FTCDNL1: variants seen among roughly 807,000 people sequenced by gnomAD.
The protein encoded by FTCDNL1 is formiminotransferase N-terminal subdomain-containing protein.
FTCDNL1 carries 11 observed loss-of-function variants against 5.9 expected under a neutral mutation model. The ratio of observed to expected loss-of-function variants is 1.87; its 90% confidence interval spans 1.18 to 3.10. The LOEUF is 3.10. Among genes scored for constraint, FTCDNL1 ranks in the 30% most tolerant of loss-of-function variants. FTCDNL1 has a pLI of 0.00. For missense variants in FTCDNL1, 115 were observed against 65.5 expected (o/e 1.76, Z -2.61); for synonymous variants, 58 against 24.8 (o/e 2.34, Z -3.99).
chr2:199,672,766 T>C, the FTCDNL1 span, among the ~76,000 whole-genome samples: 745 of 152,008 alleles, frequency 4.9e-3, no homozygotes, highest in Non-Finnish European at 7.5e-3. Context: ...ACTTCTAACA[T>C]AGCAGCCTGA....
the FTCDNL1 span, among the ~76,000 whole-genome samples, chr2:199,667,918 C>T: frequency 6.6e-6 from 1 of 152,194 alleles, no homozygotes; most frequent in African/African-American, 2.4e-5. Flanking sequence ...AAAGGTCTTG[C>T]ATCACAAGAG....
intron 3 of FTCDNL1, among the ~76,000 whole-genome samples, chr2:199,771,926 T>C (rs1698832000): frequency 6.6e-6 from 1 of 152,262 alleles, no homozygotes. Flanking sequence ...TTATCCTATA[T>C]ATACATACCC....
chr2:199,695,658 C>G, the FTCDNL1 span, among the ~76,000 whole-genome samples: 1 of 152,040 alleles, frequency 6.6e-6, no homozygotes, highest in Non-Finnish European at 1.5e-5. Flanking sequence ...TAGAGTGACC[C>G]ACTATCACCA....
Position 199,849,896 on chromosome 2 carries a change from T to C in FTCDNL1, c.-8+844A>G, listed in dbSNP as rs115355542. ...TTCAACAAATATTTAATGAGGGTCT[T>C]TTTCTGACAGGTAATGTTCCCTGTG... On this transcript the variant is annotated intron_variant, in intron 1 of 4. Transcript: ENST00000420128. Among the ~76,000 whole-genome samples the C allele has an allele frequency of 5.0e-3, 758 of 152,298 alleles. 6 individuals are homozygous for C. Among genetic ancestry groups the C allele is most frequent in the African/African-American group, 0.018 (731 of 41,556 alleles).
intron 3 of FTCDNL1, among the ~76,000 whole-genome samples, chr2:199,842,182 C>T (rs2076607627): frequency 1.3e-5 from 2 of 151,962 alleles, no homozygotes; most frequent in Admixed American, 6.5e-5. Flanking sequence ...GCATGAGAAT[C>T]ACTTGAGTCT....
chr2:199,733,246 T>G, the FTCDNL1 span, among the ~76,000 whole-genome samples: 1 of 152,246 alleles, frequency 6.6e-6, no homozygotes, highest in Non-Finnish European at 1.5e-5. Context: ...AGGCAGGCAC[T>G]GCTCATTTGC....
At chr2:199,766,318 T>C (rs770729702) in intron 3 of FTCDNL1, among the ~76,000 whole-genome samples, 2 of 152,222 alleles carry the variant, frequency 1.3e-5, no homozygotes, top group African/African-American at 2.4e-5. Context: ...GTAAAGATTA[T>C]CTAACTTAAA....
intron 3 of FTCDNL1, among the ~76,000 whole-genome samples, chr2:199,839,729 T>C (rs529713727): frequency 6.6e-6 from 1 of 152,274 alleles, no homozygotes; most frequent in East Asian, 1.9e-4. Context: ...TAAGGAGTCA[T>C]AATGGTTTCA....
intron 3 of FTCDNL1, among the ~76,000 whole-genome samples, chr2:199,769,479 G>GCC (rs34798712): frequency 0.044 from 6,692 of 151,988 alleles, 195 homozygotes; most frequent in Middle Eastern, 0.068. Flanking sequence ...TGATTTTGAG[G>GCC]CCCCCCCAGC....
At chr2:199,819,400 G>A in intron 4 of FTCDNL1, 172 bp downstream of exon 4, 1 of 595,116 alleles carries the variant, frequency 1.7e-6, no homozygotes, top group African/African-American at 1.9e-5. Context: ...AGGCTCACAG[G>A]TTAGCTTAAA....
the FTCDNL1 span, among the ~76,000 whole-genome samples, chr2:199,692,798 T>C: frequency 6.6e-6 from 1 of 152,220 alleles, no homozygotes; most frequent in Non-Finnish European, 1.5e-5. Context: ...CAATTATAGA[T>C]GAGTTAGTAA....
At chr2:199,744,502 A>G in the FTCDNL1 span, among the ~76,000 whole-genome samples, 1 of 152,106 alleles carries the variant, frequency 6.6e-6, no homozygotes, top group South Asian at 2.1e-4. Context: ...GTACAGCAAG[A>G]AGGTAGCTGT....
chr2:199,757,081 A>C (rs561264410), downstream of FTCDNL1, among the ~76,000 whole-genome samples: 8 of 152,336 alleles, frequency 5.3e-5, no homozygotes, highest in African/African-American at 1.9e-4. Flanking sequence ...GCAAACACTA[A>C]TGCAATCTAC....
chr2:199,737,313 G>C, the FTCDNL1 span, among the ~76,000 whole-genome samples: 1 of 152,088 alleles, frequency 6.6e-6, no homozygotes, highest in African/African-American at 2.4e-5. Context: ...ATGAATGTTA[G>C]CCATTATTTT....
chr2:199,850,354 A>G (rs560273979), intron 1 of FTCDNL1, among the ~76,000 whole-genome samples: 1 of 152,338 alleles, frequency 6.6e-6, no homozygotes, highest in East Asian at 1.9e-4. Flanking sequence ...TTGTCTCATC[A>G]GGCACTTTCC....
chr2:199,806,498 G>A (rs1700732545), downstream of FTCDNL1, among the ~76,000 whole-genome samples: 3 of 152,126 alleles, frequency 2.0e-5, no homozygotes, highest in South Asian at 6.2e-4. Context: ...AGCCTGCTTT[G>A]GCTCAGCCAG....
chr2:199,673,350 A>AAT, the FTCDNL1 span, among the ~76,000 whole-genome samples: 4 of 145,228 alleles, frequency 2.8e-5, no homozygotes, highest in Non-Finnish European at 6.1e-5. Flanking sequence ...AAAAAAAAAA[A>AAT]GTCACAAAGA....
intron 4 of FTCDNL1, 73 bp downstream of exon 4, chr2:199,819,499 T>A (rs1160228672): frequency 3.3e-4 from 223 of 667,568 alleles, no homozygotes; most frequent in Admixed American, 1.6e-3. Flanking sequence ...ATTAACAGGG[T>A]GTGGCTCATA....
chr2:199,757,016 T>C (rs1345938647), downstream of FTCDNL1, among the ~76,000 whole-genome samples: 2 of 152,172 alleles, frequency 1.3e-5, no homozygotes, highest in Non-Finnish European at 2.9e-5. Flanking sequence ...AAGCAGGGCA[T>C]GAATAATCTA....
Sources: allele counts gnomAD v4.1 joint callset (sites outside exome capture counted in the v4.1 genomes callset), GRCh38; gene constraint gnomAD v4.1.1; transcripts MANE v1.5; gene names NCBI Gene and HGNC (gene_info 2026-07-23, HGNC 2026-07-21).